NCKAP5: variants seen among roughly 807,000 people sequenced by gnomAD.
The protein encoded by NCKAP5 is nck-associated protein 5.
NCKAP5 carries 92 observed loss-of-function variants against 167.0 expected under a neutral mutation model. That is an observed-to-expected ratio of 0.55 (90% confidence interval 0.47 to 0.66). The LOEUF (loss-of-function observed/expected upper bound fraction) is 0.66, where lower values mean the gene tolerates loss of function less well. NCKAP5 is among the 30% of genes least tolerant of loss of function. The probability of loss-of-function intolerance (pLI) is 0.00; values close to 1 mark genes in which losing one functional copy is unlikely to be tolerated. For missense variants in NCKAP5, 2,378 were observed against 2,315.0 expected, an observed-to-expected ratio of 1.03 and a Z score of -0.56; for synonymous variants, 891 against 877.4, an observed-to-expected ratio of 1.02 and a Z score of -0.27.
chr2:133,575,664 C>A, the NCKAP5 span, among the ~76,000 whole-genome samples: 4 of 152,164 alleles, frequency 2.6e-5, no homozygotes, highest in South Asian at 2.1e-4. Context: ...AGGTTCCATT[C>A]GGTTCCATAA....
chr2:132,772,345 T>C (rs1682149885), intron 16 of NCKAP5, among the ~76,000 whole-genome samples: 1 of 152,210 alleles, frequency 6.6e-6, no homozygotes, highest in Non-Finnish European at 1.5e-5. Flanking sequence ...AATTTTATCT[T>C]GCTTCATTAA....
At chr2:133,212,032 G>A (rs1410293079) in intron 5 of NCKAP5, among the ~76,000 whole-genome samples, 1 of 152,198 alleles carries the variant, frequency 6.6e-6, no homozygotes, top group Non-Finnish European at 1.5e-5. Context: ...GTTATTACCT[G>A]AAAGAGATTC....
intron 2 of NCKAP5, among the ~76,000 whole-genome samples, chr2:133,550,500 A>G (rs1687193427): frequency 6.7e-6 from 1 of 150,050 alleles, no homozygotes. Context: ...CAAAAACCAC[A>G]GGATTATCTC....
intron 3 of NCKAP5, among the ~76,000 whole-genome samples, chr2:133,357,945 T>A (rs529024711): frequency 1.3e-5 from 2 of 152,294 alleles, no homozygotes; most frequent in Non-Finnish European, 2.9e-5. Flanking sequence ...AACTGGTGAT[T>A]ACCTTGCTGA....
chr2:132,869,869 A>G (rs1690666765), intron 9 of NCKAP5, among the ~76,000 whole-genome samples: 1 of 152,316 alleles, frequency 6.6e-6, no homozygotes, highest in Admixed American at 6.5e-5. Flanking sequence ...TGTACTGTCT[A>G]TTGAATATCT....
intron 3 of NCKAP5, among the ~76,000 whole-genome samples, chr2:133,385,227 A>T (rs1686853013): frequency 6.6e-6 from 1 of 152,104 alleles, no homozygotes; most frequent in African/African-American, 2.4e-5. Flanking sequence ...TCCCATCAAC[A>T]CCTAATTTAT....
At chr2:132,882,819 G>A (rs1339771939) in intron 8 of NCKAP5, among the ~76,000 whole-genome samples, 1 of 151,986 alleles carries the variant, frequency 6.6e-6, no homozygotes, top group Non-Finnish European at 1.5e-5. Flanking sequence ...CTCCTGCCTC[G>A]TTCCTTTCTA....
At chr2:133,278,037 A>G (rs2089799097) in intron 4 of NCKAP5, among the ~76,000 whole-genome samples, 1 of 152,222 alleles carries the variant, frequency 6.6e-6, no homozygotes, top group South Asian at 2.1e-4. Context: ...ATCACAAGGA[A>G]TAAAAAACCA....
chr2:133,069,601 G>T (rs2080319124), intron 6 of NCKAP5, among the ~76,000 whole-genome samples: 1 of 152,126 alleles, frequency 6.6e-6, no homozygotes, highest in African/African-American at 2.4e-5. Context: ...CAGCCTTTTA[G>T]TTCCTATCAT....
chr2:133,171,574 T>C (rs2084251271), intron 5 of NCKAP5, among the ~76,000 whole-genome samples: 1 of 152,202 alleles, frequency 6.6e-6, no homozygotes, highest in Non-Finnish European at 1.5e-5. Context: ...GGATTATGGA[T>C]GCTGTTTTAA....
At chr2:132,774,673 C>T (rs1320251537) in intron 15 of NCKAP5, among the ~76,000 whole-genome samples, 1 of 152,120 alleles carries the variant, frequency 6.6e-6, no homozygotes, top group African/African-American at 2.4e-5. Flanking sequence ...GCATGAAAGC[C>T]CAGGCCCCCT....
rs532877722 is a variant in NCKAP5, at chr2:133,373,946, T to C, written c.70-70836A>G. ...ATTCAAACTGAATCACAGATTTAAA[T>C]GTAAAACACAGAATGGTAAAACCCT... On this transcript the variant is annotated intron_variant, in intron 3 of 19. Coordinates refer to ENST00000409261, the MANE Select transcript of NCKAP5 (RefSeq NM_207363.3). Among the ~76,000 whole-genome samples the C allele has an allele frequency of 2.1e-4, 32 of 152,342 alleles. 1 individual carries two copies. In the South Asian group the frequency reaches 6.4e-3, roughly 31 times the overall value.
At chr2:132,797,452 G>A (rs140203022) in intron 11 of NCKAP5, among the ~76,000 whole-genome samples, 3 of 152,160 alleles carry the variant, frequency 2.0e-5, no homozygotes, top group African/African-American at 7.2e-5. Context: ...CTGTTTAATT[G>A]CAAATACAAT....
Position 133,326,271 on chromosome 2 carries a change from C to T in NCKAP5, c.70-23161G>A, listed in dbSNP as rs190252728. Among the ~76,000 whole-genome samples the T allele has an allele frequency of 3.9e-5, 6 of 152,084 alleles. No individual in the cohort carries two copies. In the East Asian group the frequency reaches 9.7e-4, roughly 25 times the overall value. ...GAGATTGAGGCCATCCTGGCCAACA[C>T]GGTGAAACCCTGTCTCTACTGAAAA... On this transcript the variant is annotated intron_variant, in intron 3 of 19. Coordinates refer to ENST00000409261, the MANE Select transcript of NCKAP5 (RefSeq NM_207363.3).
intron 16 of NCKAP5, among the ~76,000 whole-genome samples, chr2:132,755,430 A>C (rs1321605263): frequency 6.6e-6 from 1 of 152,196 alleles, no homozygotes; most frequent in African/African-American, 2.4e-5. Context: ...CCCTGTTACC[A>C]ACTCATGGTG....
chr2:132,990,802 A>G (rs1034756946), intron 7 of NCKAP5, among the ~76,000 whole-genome samples: 5 of 152,182 alleles, frequency 3.3e-5, no homozygotes, highest in African/African-American at 1.2e-4. Flanking sequence ...CAATACTGTT[A>G]TTTTGGACTT....
chr2:133,269,836 T>C (rs1360569054), intron 4 of NCKAP5, among the ~76,000 whole-genome samples: 5 of 152,170 alleles, frequency 3.3e-5, no homozygotes, highest in Non-Finnish European at 7.3e-5. Context: ...GATGATGGCT[T>C]GGACTGGGTG....
At chr2:133,017,819 G>A (rs993752015) in intron 6 of NCKAP5, among the ~76,000 whole-genome samples, 5 of 150,982 alleles carry the variant, frequency 3.3e-5, no homozygotes, top group African/African-American at 9.8e-5. Flanking sequence ...GGAGGCCCCA[G>A]AACATACTTT....
At chr2:132,802,317 G>A (rs979131685) in intron 11 of NCKAP5, among the ~76,000 whole-genome samples, 26 of 152,128 alleles carry the variant, frequency 1.7e-4, no homozygotes, top group Non-Finnish European at 3.4e-4. Flanking sequence ...ACTGGATGTT[G>A]GGCTGATTTC....
Sources: gnomAD v4.1 joint callset for allele counts (sites outside exome capture counted in the v4.1 genomes callset) on GRCh38, gnomAD v4.1.1 for gene constraint, MANE v1.5 for transcripts, NCBI Gene and HGNC (gene_info 2026-07-23, HGNC 2026-07-21) for gene names.